The following RAD52 variants were observed in gnomAD, a reference collection of about 807,000 sequenced individuals.
RAD52 encodes DNA repair protein RAD52 homolog.
Under a neutral mutation model 55.5 loss-of-function variants are expected in RAD52, and 47 were observed. The observed-to-expected ratio is 0.85, with a 90% CI of 0.67 to 1.08. RAD52 has a LOEUF of 1.08. RAD52 is among the 50% of genes least tolerant of loss of function. RAD52 has a pLI of 0.00. For missense variants in RAD52, 468 were observed against 522.8 expected (o/e 0.90, Z 1.02); for synonymous variants, 184 against 198.9 (o/e 0.92, Z 0.63).
chr12:972,542 G>A (rs186969438), intron 1 of RAD52, among the ~76,000 whole-genome samples: 6 of 151,982 alleles, frequency 3.9e-5, no homozygotes, highest in South Asian at 2.1e-4. Context: ...CGAGGAGGGC[G>A]GATCACGAGG....
chr12:960,123 C>A (rs1361793592), intron 1 of RAD52, among the ~76,000 whole-genome samples: 1 of 152,084 alleles, frequency 6.6e-6, no homozygotes, highest in African/African-American at 2.4e-5. Flanking sequence ...AGGGCACTTT[C>A]GAGATTTCAA....
chr12:983,794 G>A (rs1959051553), intron 1 of RAD52, among the ~76,000 whole-genome samples: 1 of 152,018 alleles, frequency 6.6e-6, no homozygotes, highest in Non-Finnish European at 1.5e-5. Context: ...CTTCTTATAA[G>A]GACACCAGTC....
intron 1 of RAD52, among the ~76,000 whole-genome samples, chr12:969,529 G>GT (rs1408293455): frequency 6.6e-6 from 1 of 152,002 alleles, no homozygotes; most frequent in Non-Finnish European, 1.5e-5. Flanking sequence ...GCTCAAGCCT[G>GT]TAATTCCAAC....
At chr12:953,086 CTT>C (rs1405383646), upstream of RAD52, among the ~76,000 whole-genome samples, 1 of 139,848 alleles carries the variant, frequency 7.2e-6, no homozygotes, top group Non-Finnish European at 1.5e-5. Context: ...GGGCGGATCA[CTT>C]GAGGTCAGGA....
At chr12:974,105 G>A (rs1362539280) in intron 1 of RAD52, 1 of 152,194 alleles carries the variant, frequency 6.6e-6, no homozygotes, top group African/African-American at 2.4e-5. Flanking sequence ...GCCACCTACT[G>A]AGACGGGGAA....
intron 9 of RAD52, among the ~76,000 whole-genome samples, chr12:915,097 GC>G (rs775872163): frequency 1.3e-5 from 2 of 152,202 alleles, no homozygotes; most frequent in Non-Finnish European, 2.9e-5. Context: ...TCCCGCCACT[GC>G]ACTCCAGGCT....
rs186434181 is a variant in RAD52, at chr12:961,824, C to T, written c.-19+27985G>A. Among the ~76,000 whole-genome samples, 17 of 152,136 alleles carry T rather than the reference C, an allele frequency of 1.1e-4. No homozygotes were observed. The East Asian group carries it at 2.5e-3, about 22-fold the overall frequency. On this transcript the variant is annotated intron_variant, in intron 1 of 11. Coordinates refer to the RAD52 transcript ENST00000430095. ...GTTGCAGTAAGCCAAGATCAATCCACTGCACTGCAGCCTGGATGACAGAGT... is the reference window on the plus strand; with the variant it reads ...GTTGCAGTAAGCCAAGATCAATCCATTGCACTGCAGCCTGGATGACAGAGT...
intron 1 of RAD52, among the ~76,000 whole-genome samples, chr12:942,673 G>C (rs1216877071): frequency 6.6e-6 from 1 of 151,900 alleles, no homozygotes; most frequent in Non-Finnish European, 1.5e-5. Context: ...CTTGAACCTG[G>C]GAGGCAGAGG....
At chr12:961,313 A>AAAAAAAAAAAAAAAAAAAAC (rs1306567706) in intron 1 of RAD52, among the ~76,000 whole-genome samples, 3 of 143,384 alleles carry the variant, frequency 2.1e-5, no homozygotes, top group Non-Finnish European at 4.6e-5. Flanking sequence ...CCATCTCAAA[A>AAAAAAAAAAAAAAAAAAAAC]AAAAAAAAAA....
Position 912,551 on chromosome 12 carries a change from C to T in RAD52, c.*840G>A, listed in dbSNP as rs972831057. On this transcript the variant is annotated 3_prime_UTR_variant, in exon 12 of 12. Coordinates refer to ENST00000358495, the MANE Select transcript of RAD52 (RefSeq NM_134424.4). ...TATTCTATTTTGTTAATAAGGTATA[C>T]GATTTGCTTTCTCAAAAATGCCTTT... 4 of 181,488 alleles carry T rather than the reference C, an allele frequency of 2.2e-5. No individual in the cohort carries two copies. Among genetic ancestry groups the T allele is most frequent in the Admixed American group, 1.3e-4 (2 of 15,906 alleles). 11.2% of individuals were successfully genotyped at this position (181,488 alleles called of 1,614,324 possible). A position where few individuals can be genotyped will look rare whatever the true frequency, so the allele number is the denominator to read the frequency against.
At position 982,558 on chromosome 12, in the gene RAD52, G is replaced by A. The variant is rs530463670; in HGVS notation, c.-19+7251C>T. Among the ~76,000 whole-genome samples, 27 of 150,894 alleles carry A rather than the reference G, an allele frequency of 1.8e-4. No individual in the cohort carries two copies. The South Asian group carries it at 4.0e-3, about 22-fold the overall frequency. On this transcript the variant is annotated intron_variant, in intron 1 of 11. Transcript: ENST00000430095. ...TGTGGAAGAAAGGATGGCCTTTCCC[G>A]CACTTTCCGATAATATGTTCCTAAT...
At chr12:919,425 G>A (rs1956589774) in intron 7 of RAD52, among the ~76,000 whole-genome samples, 2 of 151,984 alleles carry the variant, frequency 1.3e-5, no homozygotes, top group East Asian at 3.9e-4. Context: ...GGTGACAAGA[G>A]TGAAATTCCG....
At chr12:987,477 T>G (rs1419419573) in intron 1 of RAD52, among the ~76,000 whole-genome samples, 2 of 152,092 alleles carry the variant, frequency 1.3e-5, no homozygotes, top group African/African-American at 4.8e-5. Context: ...GTTTTCTCTT[T>G]TTCACATAAT....
chr12:977,446 A>T (rs1041384681), intron 1 of RAD52, among the ~76,000 whole-genome samples: 6 of 152,302 alleles, frequency 3.9e-5, no homozygotes, highest in South Asian at 4.1e-4. Context: ...TCCCCTGAGG[A>T]AGGTCAAACT....
chr12:979,621 G>A (rs1281151303), intron 1 of RAD52, among the ~76,000 whole-genome samples: 5 of 152,094 alleles, frequency 3.3e-5, no homozygotes, highest in Non-Finnish European at 7.3e-5. Context: ...TGAGAAGATG[G>A]CTGTCTGCAA....
intron 1 of RAD52, among the ~76,000 whole-genome samples, chr12:967,363 C>T (rs1487280275): frequency 7.6e-6 from 1 of 131,896 alleles, no homozygotes; most frequent in East Asian, 2.2e-4. Context: ...GCCTGGGTGA[C>T]AGAGCAAGAC....
chr12:987,159 C>G (rs1017972518), intron 1 of RAD52, among the ~76,000 whole-genome samples: 2 of 151,802 alleles, frequency 1.3e-5, no homozygotes, highest in Middle Eastern at 3.4e-3. Context: ...TTAGTAGAGA[C>G]GAGGTTTCAC....
At chr12:946,123 A>G (rs1041323947) in intron 1 of RAD52, among the ~76,000 whole-genome samples, 19 of 152,144 alleles carry the variant, frequency 1.2e-4, no homozygotes, top group Admixed American at 3.9e-4. Context: ...CTGCGGGGCC[A>G]TACACTAATC....
At chr12:940,373 C>T (rs570668323) in intron 1 of RAD52, among the ~76,000 whole-genome samples, 17 of 152,016 alleles carry the variant, frequency 1.1e-4, no homozygotes, top group South Asian at 6.2e-4. Flanking sequence ...CCAAGGCGGG[C>T]GGATCACGAG....
Sources: allele counts gnomAD v4.1 joint callset (sites outside exome capture counted in the v4.1 genomes callset), GRCh38; gene constraint gnomAD v4.1.1; transcripts MANE v1.5; gene names NCBI Gene and HGNC (gene_info 2026-07-23, HGNC 2026-07-21).